Variants in FLG observed in about 807,000 individuals in gnomAD.
FLG encodes filaggrin.
In FLG, 6 loss-of-function variants were observed where a neutral mutation model predicts 3.8. The observed-to-expected ratio is 1.60, with a 90% CI of 0.87 to 3.15. The LOEUF (loss-of-function observed/expected upper bound fraction) is 3.15, where lower values mean the gene tolerates loss of function less well. Among genes scored for constraint, FLG ranks in the 30% most tolerant of loss-of-function variants. The pLI, the probability that FLG is intolerant of heterozygous loss-of-function variation, is 0.00. For missense variants in FLG, 7,595 were observed against 5,050.9 expected (o/e 1.50, Z -15.27); for synonymous variants, 2,551 against 1,931.6 (o/e 1.32, Z -8.41).
Position 152,308,107 on chromosome 1 carries a change from G to C in FLG, c.6779C>G (p.Ser2260Cys). Residue 2260 changes from serine to cysteine, a missense_variant, in exon 3 of 3, where the codon TCT (serine) becomes TGT (cysteine). Physicochemically the swap from Ser to Cys is moderately radical, Grantham distance 112 (BLOSUM62 -1). Transcript: ENST00000368799. ...EGHSEDSERR[S>C]GSASRNHHGS... ...ATGATGGTTTCTGGACGCAGACCCA[G>C]ACCGCCTCTCAGAATCTTCTGAGTG... is the stretch of plus-strand genomic sequence containing the variant. 6.2e-7 allele frequency: 1 copy of C among 1,614,014 alleles called. No individual in the cohort carries two copies. Among genetic ancestry groups the C allele is most frequent in the Non-Finnish European group, 8.5e-7 (1 of 1,180,004 alleles).
In FLG at chr1:152,311,773, T is replaced by G; in HGVS notation, c.3113A>C (p.Gln1038Pro). Residue 1038 changes from glutamine (Q) to proline (P), a missense_variant, in exon 3 of 3, where the codon CAG becomes CCG. Physicochemically the swap from Gln to Pro is moderately conservative, Grantham distance 76 (BLOSUM62 -1). Coordinates refer to ENST00000368799, the MANE Select transcript of FLG (RefSeq NM_002016.2). ...SPGERHGSRH[Q>P]QSADSSRHSG... ...GTGTCTGGAGCTGTCTGCTGACTGCTGGTGGCGGGATCCGTGTCTTTCTCC... is the reference window on the plus strand; with the variant it reads ...GTGTCTGGAGCTGTCTGCTGACTGCGGGTGGCGGGATCCGTGTCTTTCTCC... 2 of 1,614,128 alleles carry G rather than the reference T, an allele frequency of 1.2e-6. No homozygotes were observed. The highest frequency in any genetic ancestry group is 2.2e-5 in the South Asian group (2 of 91,064).
In FLG at chr1:152,309,347, TG is replaced by T; in HGVS notation, c.5538del (p.Thr1847ArgfsTer248). The T allele has an allele frequency of 6.2e-7, 1 of 1,613,820 alleles. No individual in the cohort carries two copies. The highest frequency in any genetic ancestry group is 8.5e-7 in the Non-Finnish European group (1 of 1,179,976). ...GAGACATCAGACCTTTCCTGGGACGTGGTGTGGCTGTGATGAGACCCTGAGT... is the reference window on the plus strand; with the variant it reads ...GAGACATCAGACCTTTCCTGGGACGTGTGTGGCTGTGATGAGACCCTGAGT... ...SGHSGSHHSH[T>X]TSQERSDVSR... On this transcript the variant is annotated frameshift_variant, in exon 3 of 3. Transcript: ENST00000368799. LOFTEE classifies it low-confidence loss of function (END_TRUNC).
At position 152,308,699 on chromosome 1, in the gene FLG, C is replaced by T. The variant is rs749273002; in HGVS notation, c.6187G>A (p.Gly2063Arg). 3.1e-6 allele frequency: 5 copies of T among 1,613,994 alleles called. No homozygotes were observed. Among genetic ancestry groups the T allele is most frequent in the East Asian group, 4.5e-5 (2 of 44,880 alleles). ...DSDTQSVSAQ[G>R]KAGPHQQSHK... ...CTCTGCTGATGGGGCCCAGCTTTTCCCTGTGCTGACACTGACTGTGTGTCT... is the reference window on the plus strand; with the variant it reads ...CTCTGCTGATGGGGCCCAGCTTTTCTCTGTGCTGACACTGACTGTGTGTCT... Residue 2063 changes from glycine (G) to arginine (R), a missense_variant, in exon 3 of 3, where the codon GGA becomes AGA. Physicochemically the swap from Gly to Arg is moderately radical, Grantham distance 125 (BLOSUM62 -2). Transcript: ENST00000368799.
Position 152,311,686 on chromosome 1 carries a change from C to G in FLG, c.3200G>C (p.Ser1067Thr), listed in dbSNP as rs1263470486. The change falls in exon 3 of 3, where the codon AGT becomes ACT. Residue 1067 changes from serine (S) to threonine (T), a missense_variant. Ser to Thr is a moderately conservative substitution (Grantham distance 58). Transcript: ENST00000368799. ...AVRDSGHWGS[S>T]GSQASDSEGH... is the part of the protein sequence containing the mutation. The stretch of plus-strand genomic sequence containing the variant: ...CTCACTATCACTGGCCTGACTACCA[C>G]TGGACCCCCAGTGTCCACTGTCTCT... 1.2e-6 allele frequency: 2 copies of G among 1,614,174 alleles called. No individual in the cohort carries two copies. Among genetic ancestry groups the G allele is most frequent in the African/African-American group, 1.3e-5 (1 of 75,034 alleles).
In FLG at chr1:152,313,254, G is replaced by A. The variant is rs137997325; in HGVS notation, c.1632C>T (p.Ser544=). 5.2e-4 allele frequency: 840 copies of A among 1,613,858 alleles called. 10 individuals carry two copies. In the African/African-American group the frequency reaches 6.8e-3, roughly 13 times the overall value. The change falls in exon 3 of 3, where the codon TCC becomes TCT. Residue 544 remains serine (S), a synonymous_variant. Coordinates refer to ENST00000368799, the MANE Select transcript of FLG (RefSeq NM_002016.2). ...QSVNRSGHSG[S]HHSHTTSQGR... Reference sequence around the variant, plus strand: ...CCTGGGATGTGGTGTGGCTGTGATGGGAACCTGAGTGTCCAGACCTATTTA... The same window carrying A: ...CCTGGGATGTGGTGTGGCTGTGATGAGAACCTGAGTGTCCAGACCTATTTA...
rs199995422 is a variant in FLG, at chr1:152,303,658, C to G, written c.11228G>C (p.Arg3743Pro). Residue 3743 changes from arginine (R) to proline (P), a missense_variant, in exon 3 of 3, where the codon CGA (arginine) becomes CCA (proline). Arg to Pro is a moderately radical substitution (Grantham distance 103, BLOSUM62 -2). Coordinates refer to ENST00000368799, the MANE Select transcript of FLG (RefSeq NM_002016.2). ...GRQGSRHEQARDSSRHSASQE... is the reference protein window; with the variant it reads ...GRQGSRHEQAPDSSRHSASQE... ...GGACGCTGAGTGCCTGGAGCTGTCTCGTGCCTGCTCGTGGCGGGATCCTTG... is the reference window on the plus strand; with the variant it reads ...GGACGCTGAGTGCCTGGAGCTGTCTGGTGCCTGCTCGTGGCGGGATCCTTG... 4.3e-6 allele frequency: 7 copies of G among 1,613,782 alleles called. No individual in the cohort carries two copies. The highest frequency in any genetic ancestry group is 5.9e-6 in the Non-Finnish European group (7 of 1,179,964).
At chr1:152,324,956 G>T in intron 1 of FLG, among the ~76,000 whole-genome samples, 1 of 151,886 alleles carries the variant, frequency 6.6e-6, no homozygotes, top group East Asian at 1.9e-4. Context: ...TATTTGTTAA[G>T]TAAATGAATA....
In FLG at chr1:152,303,776, A is replaced by G; in HGVS notation, c.11110T>C (p.Ser3704Pro). 6.2e-7 allele frequency: 1 copy of G among 1,612,948 alleles called. No individual in the cohort carries two copies. The highest frequency in any genetic ancestry group is 2.2e-5 in the East Asian group (1 of 44,772). ...ESTRGRSAGR[S>P]GRSGSFLYQV... The stretch of plus-strand genomic sequence containing the variant: ...TAGAGGAAAGACCCTGAACGTCCAG[A>G]CCTTCCTGCTGACCGGCCACGTGTG... The change falls in exon 3 of 3, where the codon TCT becomes CCT. Residue 3704 changes from serine (S) to proline (P), a missense_variant. Ser to Pro is a moderately conservative substitution (Grantham distance 74). Coordinates refer to ENST00000368799, the MANE Select transcript of FLG (RefSeq NM_002016.2).
chr1:152,308,110 C>G lies in FLG; in HGVS notation c.6776G>C (p.Arg2259Pro), dbSNP rs542918091. Residue 2259 changes from arginine to proline, a missense_variant, in exon 3 of 3, where the codon CGG (arginine) becomes CCG (proline). Arg to Pro is a moderately radical substitution (Grantham distance 103, BLOSUM62 -2). Coordinates refer to ENST00000368799, the MANE Select transcript of FLG (RefSeq NM_002016.2). ...SEGHSEDSER[R>P]SGSASRNHHG... ...ATGGTTTCTGGACGCAGACCCAGAC[C>G]GCCTCTCAGAATCTTCTGAGTGTCC... The G allele has an allele frequency of 1.2e-6, 2 of 1,613,300 alleles. No individual in the cohort carries two copies. The highest frequency in any genetic ancestry group is 1.7e-6 in the Non-Finnish European group (2 of 1,179,882).
chr1:152,318,789 T>A (rs1166401914), intron 1 of FLG, among the ~76,000 whole-genome samples: 2 of 151,884 alleles, frequency 1.3e-5, no homozygotes, highest in Non-Finnish European at 2.9e-5. Context: ...ACAAGATAGA[T>A]GAGGTGCCTG....
In FLG at chr1:152,308,812, CCA is replaced by C. The variant is rs1648794728; in HGVS notation, c.6072_6073del (p.His2024GlnfsTer18). 1.2e-6 allele frequency: 2 copies of C among 1,614,060 alleles called. No homozygotes were observed. Among genetic ancestry groups the C allele is most frequent in the African/African-American group, 1.3e-5 (1 of 74,928 alleles). On this transcript the variant is annotated frameshift_variant, in exon 3 of 3. Transcript: ENST00000368799. LOFTEE classifies it low-confidence loss of function (END_TRUNC). Reference sequence around the variant, plus strand: ...GTCTCTGACTGCAGATGAAGCTTGTCCATGCCCAATGCCTGAGTGTCTGGAGC... The same window carrying C: ...GTCTCTGACTGCAGATGAAGCTTGTCTGCCCAATGCCTGAGTGTCTGGAGC...
In FLG at chr1:152,314,331, T is replaced by C; in HGVS notation, c.555A>G (p.Lys185=). 6.2e-7 allele frequency: 1 copy of C among 1,613,252 alleles called. No homozygotes were observed. The highest frequency in any genetic ancestry group is 1.1e-5 in the South Asian group (1 of 91,022). Residue 185 remains lysine (K), a synonymous_variant, in exon 3 of 3, where the codon AAA becomes AAG. Transcript: ENST00000368799. ...KNHHNSSKKE[K]NKTENTRLGD... ...CTAATCTAGTATTTTCAGTCTTGTT[T>C]TTCTCTTTTTTACTTGAGTTATGAT...
rs151318672 is a variant in FLG, at chr1:152,311,445, C to A, written c.3441G>T (p.Glu1147Asp). The A allele has an allele frequency of 3.1e-6, 5 of 1,613,800 alleles. No individual in the cohort carries two copies. The East Asian group carries it at 8.9e-5, about 29-fold the overall frequency. ...AGTGCCTGGAGCTGTCTCGTGCCTG[C>A]TCGTGGTGGGATCCTTGTCTTCGTC... ...STGRRQGSHH[E>D]QARDSSRHSA... Residue 1147 changes from glutamate to aspartate, a missense_variant, in exon 3 of 3, where the codon GAG becomes GAT. Coordinates refer to ENST00000368799, the MANE Select transcript of FLG (RefSeq NM_002016.2).
Position 152,308,516 on chromosome 1 carries a change from C to A in FLG, c.6370G>T (p.Asp2124Tyr), listed in dbSNP as rs1340627622. The part of the protein sequence containing the change: ...RQGSHYDQAQ[D>Y]SSRHSASQEG... Reference sequence around the variant, plus strand: ...TGGGATGCTGAGTGCCTGGAGCTGTCTTGTGCCTGATCATAATGGGATCCT... The same window carrying A: ...TGGGATGCTGAGTGCCTGGAGCTGTATTGTGCCTGATCATAATGGGATCCT... Residue 2124 changes from aspartate (D) to tyrosine (Y), a missense_variant, in exon 3 of 3, where the codon GAC becomes TAC. Coordinates refer to ENST00000368799, the MANE Select transcript of FLG (RefSeq NM_002016.2). The A allele has an allele frequency of 6.2e-7, 1 of 1,613,730 alleles. No individual in the cohort carries two copies. Among genetic ancestry groups the A allele is most frequent in the South Asian group, 1.1e-5 (1 of 91,058 alleles).
chr1:152,315,417 G>A lies in FLG; in HGVS notation c.40C>T (p.Leu14Phe). 1 of 1,611,722 alleles carries A rather than the reference G, an allele frequency of 6.2e-7. No individual in the cohort carries two copies. The highest frequency in any genetic ancestry group is 8.5e-7 in the Non-Finnish European group (1 of 1,178,692). The stretch of plus-strand genomic sequence containing the variant: ...TCTTTTTTTGAATATTGCTTGAAAA[G>A]ATTAATTATGGCAAAGATGTTTTCC... ...LLENIFAIIN[L>F]FKQYSKKDKN... Residue 14 changes from leucine (L) to phenylalanine (F), a missense_variant, in exon 2 of 3, where the codon CTT becomes TTT. Physicochemically the swap from Leu to Phe is conservative, Grantham distance 22 (BLOSUM62 0). Coordinates refer to ENST00000368799, the MANE Select transcript of FLG (RefSeq NM_002016.2).
Position 152,310,592 on chromosome 1 carries a change from C to A in FLG, c.4294G>T (p.Gly1432Trp). 1 of 1,613,972 alleles carries A rather than the reference C, an allele frequency of 6.2e-7. No homozygotes were observed. The highest frequency in any genetic ancestry group is 8.5e-7 in the Non-Finnish European group (1 of 1,179,976). ...GACCTTGAACGTCCAGAGCTTTCCC[C>A]TGACTGGCCACGTGCGGACTCTTTG... is the stretch of plus-strand genomic sequence containing the variant. ...SHKESARGQS[G>W]ESSGRSRSFL... Residue 1432 changes from glycine to tryptophan, a missense_variant, in exon 3 of 3, where the codon GGG (glycine) becomes TGG (tryptophan). Physicochemically the swap from Gly to Trp is radical, Grantham distance 184 (BLOSUM62 -2). Coordinates refer to ENST00000368799, the MANE Select transcript of FLG (RefSeq NM_002016.2).
intron 1 of FLG, among the ~76,000 whole-genome samples, chr1:152,321,519 G>T (rs183309055): frequency 1.9e-4 from 29 of 150,812 alleles, no homozygotes; most frequent in Non-Finnish European, 3.7e-4. Context: ...AAGATGACAA[G>T]AGCATATTAT....
At position 152,313,449 on chromosome 1, in the gene FLG, G is replaced by C. The variant is rs142574224; in HGVS notation, c.1437C>G (p.Asp479Glu). 5.1e-4 allele frequency: 815 copies of C among 1,613,656 alleles called. 1 individual carries two copies. In the African/African-American group the frequency reaches 5.5e-3, roughly 11 times the overall value. Residue 479 changes from aspartate to glutamate, a missense_variant, in exon 3 of 3, where the codon GAC becomes GAG. Transcript: ENST00000368799. ...TGGTCCCGGTCCGTCCATGGGCAGAGTCAGGCTGTTCATGAGTGCTCACCT... is the reference window on the plus strand; with the variant it reads ...TGGTCCCGGTCCGTCCATGGGCAGACTCAGGCTGTTCATGAGTGCTCACCT... Reference protein sequence around the residue: ...LYQVSTHEQPDSAHGRTGTST... With the variant: ...LYQVSTHEQPESAHGRTGTST...
In FLG at chr1:152,310,264, C is replaced by T. The variant is rs1652310034; in HGVS notation, c.4622G>A (p.Ser1541Asn). The change falls in exon 3 of 3, where the codon AGC becomes AAC. Residue 1541 changes from serine to asparagine, a missense_variant. Ser to Asn is a conservative substitution (Grantham distance 46). Transcript: ENST00000368799. ...SHGQSGPRSA[S>N]RQTRNEEQSG... ...TTGTTCCTCATTTCTTGTTTGCCTGCTTGCACTTCTGGGTCCTGACTGCCC... is the reference window on the plus strand; with the variant it reads ...TTGTTCCTCATTTCTTGTTTGCCTGTTTGCACTTCTGGGTCCTGACTGCCC... 1.9e-6 allele frequency: 3 copies of T among 1,613,894 alleles called. No individual in the cohort carries two copies. Among genetic ancestry groups the T allele is most frequent in the Non-Finnish European group, 1.7e-6 (2 of 1,179,972 alleles).
Sources: gnomAD v4.1 joint callset for allele counts (sites outside exome capture counted in the v4.1 genomes callset) on GRCh38, gnomAD v4.1.1 for gene constraint, MANE v1.5 for transcripts, NCBI Gene and HGNC (gene_info 2026-07-23, HGNC 2026-07-21) for gene names.